The following ARHGAP19 variants were observed in gnomAD, a reference collection of about 807,000 sequenced individuals.
ARHGAP19 encodes Rho GTPase activating protein 19, also known as rho GTPase-activating protein 19.
Under a neutral mutation model 60.9 loss-of-function variants are expected in ARHGAP19, and 48 were observed. The ratio of observed to expected loss-of-function variants is 0.79; its 90% CI spans 0.62 to 1.00. ARHGAP19 has a LOEUF of 1.00. Among genes scored for constraint, ARHGAP19 ranks in the 50% least tolerant of loss-of-function variants. The pLI, the probability that ARHGAP19 is intolerant of heterozygous loss-of-function variation, is 0.00. For synonymous variants in ARHGAP19, 209 were observed against 215.5 expected, an observed-to-expected ratio of 0.97 and a Z score of 0.27; for missense variants, 562 against 597.2, an observed-to-expected ratio of 0.94 and a Z score of 0.61.
intron 5 of ARHGAP19, among the ~76,000 whole-genome samples, chr10:97,257,789 T>C (rs1027932007): frequency 7.0e-6 from 1 of 141,940 alleles, no homozygotes; most frequent in Non-Finnish European, 1.6e-5. Context: ...ATTTTTTAAG[T>C]AAAATGTTTC....
intron 5 of ARHGAP19, chr10:97,258,721 T>G (rs1256754207): frequency 6.6e-6 from 1 of 152,658 alleles, no homozygotes; most frequent in Non-Finnish European, 1.5e-5. Flanking sequence ...GTGATTGTGT[T>G]ACTCTCCTCC....
In ARHGAP19 at chr10:97,265,899, A is replaced by G; in HGVS notation, c.283T>C (p.Ser95Pro). The change falls in exon 2 of 12, where the codon TCA becomes CCA. Residue 95 changes from serine to proline, a missense_variant. Coordinates refer to ENST00000358531, the MANE Select transcript of ARHGAP19 (RefSeq NM_032900.6). The part of the protein sequence containing the change: ...LKLPGGAGPA[S>P]GFFRSLMSLK... Reference sequence around the variant, plus strand: ...GACATGAGAGACCGGAAGAATCCTGATGCTGGGCCAGCCCCGCCAGGCAAC... The same window carrying G: ...GACATGAGAGACCGGAAGAATCCTGGTGCTGGGCCAGCCCCGCCAGGCAAC... 6.2e-7 allele frequency: 1 copy of G among 1,614,150 alleles called. No individual in the cohort carries two copies. The highest frequency in any genetic ancestry group is 8.5e-7 in the Non-Finnish European group (1 of 1,180,020).
intron 8 of ARHGAP19, among the ~76,000 whole-genome samples, chr10:97,239,547 AGAGGGTGTGTGTGTGTGTGT>A (rs766909874): frequency 1.8e-4 from 1 of 5,644 alleles, no homozygotes; most frequent in Non-Finnish European, 3.7e-3. Context: ...AGAGAGAGAG[AGAGGGTGTGTGTGTGTGTGT>A]GTGTGTGTGT....
chr10:97,280,600 CT>C (rs907071452), intron 1 of ARHGAP19, among the ~76,000 whole-genome samples: 1 of 150,082 alleles, frequency 6.7e-6, no homozygotes, highest in Non-Finnish European at 1.5e-5. Flanking sequence ...TTTTTTTCCC[CT>C]AAGACAGGGT....
At chr10:97,283,185 C>T (rs960287763) in intron 1 of ARHGAP19, among the ~76,000 whole-genome samples, 1 of 152,060 alleles carries the variant, frequency 6.6e-6, no homozygotes, top group Non-Finnish European at 1.5e-5. Flanking sequence ...TAGTTTATAT[C>T]GGGTAACAGT....
At chr10:97,290,284 C>G (rs1015540514) in intron 1 of ARHGAP19, among the ~76,000 whole-genome samples, 2 of 152,224 alleles carry the variant, frequency 1.3e-5, no homozygotes, top group African/African-American at 2.4e-5. Flanking sequence ...CTGCTGACTC[C>G]CATCCCTCCG....
intron 7 of ARHGAP19, among the ~76,000 whole-genome samples, chr10:97,245,956 G>A (rs1028700773): frequency 1.3e-5 from 2 of 151,850 alleles, no homozygotes; most frequent in African/African-American, 4.8e-5. Flanking sequence ...AAGAGACAGG[G>A]TCTCGCTGTG....
rs1319606120 is a variant in ARHGAP19 at position 97,292,440 on chromosome 10, C to T, written c.56+132G>A. 3 of 1,203,644 alleles carry T rather than the reference C, an allele frequency of 2.5e-6. No individual in the cohort carries two copies. The Admixed American group carries it at 5.9e-5, about 24-fold the overall frequency. 74.6% of individuals were successfully genotyped at this position (1,203,644 alleles called of 1,614,324 possible). A position where few individuals can be genotyped will look rare whatever the true frequency, so the allele number is the denominator to read the frequency against. On this transcript the variant is annotated intron_variant, in intron 1 of 11. Transcript: ENST00000358531. Reference sequence around the variant, plus strand: ...ACCCCCGCGCCTCAGCCCCCGCAGGCGCGACGATGAGAAACGCCGTGGGAG... The same window carrying T: ...ACCCCCGCGCCTCAGCCCCCGCAGGTGCGACGATGAGAAACGCCGTGGGAG...
chr10:97,288,507 G>A (rs927897407), intron 1 of ARHGAP19, among the ~76,000 whole-genome samples: 3 of 151,622 alleles, frequency 2.0e-5, no homozygotes, highest in Non-Finnish European at 4.4e-5. Flanking sequence ...TTGAACTCGG[G>A]GGGGCAGAGG....
chr10:97,261,846 G>C (rs1365431499), intron 4 of ARHGAP19, among the ~76,000 whole-genome samples: 2 of 152,146 alleles, frequency 1.3e-5, no homozygotes, highest in African/African-American at 4.8e-5. Context: ...TAACAGACGT[G>C]CAATTTAAGA....
chr10:97,247,873 A>G (rs1842585281), intron 6 of ARHGAP19, among the ~76,000 whole-genome samples: 1 of 152,228 alleles, frequency 6.6e-6, no homozygotes, highest in South Asian at 2.1e-4. Flanking sequence ...TTGTTTTTAT[A>G]AAAAGAAACA....
chr10:97,230,267 A>C (rs531807385), intron 9 of ARHGAP19, among the ~76,000 whole-genome samples: 2 of 152,336 alleles, frequency 1.3e-5, no homozygotes, highest in Non-Finnish European at 2.9e-5. Flanking sequence ...CTATTTAAAA[A>C]GTCCCTCCCC....
intron 11 of ARHGAP19, 66 bp downstream of exon 11, chr10:97,229,081 A>ATG: frequency 7.0e-7 from 1 of 1,434,034 alleles, no homozygotes; most frequent in Non-Finnish European, 9.8e-7. Context: ...ATTCAAACAA[A>ATG]TGCTACTGAC....
chr10:97,250,210 TAG>T (rs1842623455), intron 6 of ARHGAP19, among the ~76,000 whole-genome samples: 1 of 152,200 alleles, frequency 6.6e-6, no homozygotes, highest in Non-Finnish European at 1.5e-5. Context: ...TGAACATATA[TAG>T]AGAGAGATAA....
At chr10:97,242,386 T>C (rs1842500873) in intron 8 of ARHGAP19, among the ~76,000 whole-genome samples, 1 of 137,944 alleles carries the variant, frequency 7.2e-6, no homozygotes, top group South Asian at 2.3e-4. Context: ...CAGGCTGGAG[T>C]GCAATAGCAC....
At chr10:97,291,138 G>A (rs11599882) in intron 1 of ARHGAP19, among the ~76,000 whole-genome samples, 4,226 of 152,200 alleles carry the variant, frequency 0.028, 88 homozygotes, top group Non-Finnish European at 0.043. Flanking sequence ...AGAGCACAGC[G>A]GGAGGGACAA....
At chr10:97,281,685 T>C (rs1843088284) in intron 1 of ARHGAP19, among the ~76,000 whole-genome samples, 2 of 152,186 alleles carry the variant, frequency 1.3e-5, no homozygotes, top group South Asian at 2.1e-4. Context: ...TGCTACGCGA[T>C]TTCAAATAGT....
At chr10:97,269,627 C>T (rs1842938170) in intron 1 of ARHGAP19, among the ~76,000 whole-genome samples, 1 of 152,042 alleles carries the variant, frequency 6.6e-6, no homozygotes, top group Admixed American at 6.6e-5. Flanking sequence ...ATAATCACTG[C>T]CAATGAGAAA....
At chr10:97,237,263 C>A (rs868332564) in intron 8 of ARHGAP19, among the ~76,000 whole-genome samples, 637 of 118,894 alleles carry the variant, frequency 5.4e-3, no homozygotes, top group South Asian at 6.4e-3. Flanking sequence ...GACCTTGTCT[C>A]AAAAAAAAAA....
Sources: gnomAD v4.1 joint callset for allele counts (sites outside exome capture counted in the v4.1 genomes callset) on GRCh38, gnomAD v4.1.1 for gene constraint, MANE v1.5 for transcripts, NCBI Gene and HGNC (gene_info 2026-07-23, HGNC 2026-07-21) for gene names.